Variants in AGBL4 observed in about 807,000 individuals in gnomAD.
AGBL4 encodes AGBL carboxypeptidase 4, also known as cytosolic carboxypeptidase 6.
AGBL4 carries 58 observed loss-of-function variants against 66.4 expected under a neutral mutation model. The ratio of observed to expected loss-of-function variants is 0.87; its 90% CI spans 0.71 to 1.09. The LOEUF (loss-of-function observed/expected upper bound fraction) is 1.09. Ranked by LOEUF, AGBL4 falls within the 50% of genes least tolerant of loss-of-function variation. The pLI is 0.00. For missense variants in AGBL4, 579 were observed against 631.0 expected, an observed-to-expected ratio of 0.92 and a Z score of 0.88; for synonymous variants, 234 against 222.9, an observed-to-expected ratio of 1.05 and a Z score of -0.44.
At chr1:49,350,189 T>G (rs567408146) in intron 3 of AGBL4, among the ~76,000 whole-genome samples, 25 of 145,204 alleles carry the variant, frequency 1.7e-4, no homozygotes, top group Middle Eastern at 3.5e-3. Flanking sequence ...GAATATTTGT[T>G]TTTTTTTTTG....
intron 11 of AGBL4, among the ~76,000 whole-genome samples, chr1:48,553,685 T>C (rs1644281574): frequency 6.6e-6 from 1 of 151,988 alleles, no homozygotes; most frequent in South Asian, 2.1e-4. Flanking sequence ...ATTCATAATT[T>C]TCTACAATTT....
rs544259201 is a variant in AGBL4 at position 49,720,121 on chromosome 1, CA to C, written c.158-22685del. Among the ~76,000 whole-genome samples, 17 of 152,144 alleles carry C rather than the reference CA, an allele frequency of 1.1e-4. No homozygotes were observed. In the South Asian group the frequency reaches 1.5e-3, roughly 13 times the overall value. Reference sequence around the variant, plus strand: ...AAACTGAAAGGAAAACTGATCCCAGCAATAAGTATCTCCAAATAACAGCATT... The same window carrying C: ...AAACTGAAAGGAAAACTGATCCCAGCATAAGTATCTCCAAATAACAGCATT... On this transcript the variant is annotated intron_variant, in intron 2 of 13. Transcript: ENST00000371839.
At chr1:49,983,406 C>T (rs1055412696) in intron 1 of AGBL4, among the ~76,000 whole-genome samples, 5 of 152,244 alleles carry the variant, frequency 3.3e-5, no homozygotes, top group African/African-American at 1.2e-4. Context: ...CCCACTGCAG[C>T]CAGCATGCCT....
At chr1:49,088,355 C>T (rs1299121562) in intron 4 of AGBL4, among the ~76,000 whole-genome samples, 2 of 152,090 alleles carry the variant, frequency 1.3e-5, no homozygotes, top group Non-Finnish European at 2.9e-5. Flanking sequence ...AAACCTATCT[C>T]ATATGCAATA....
intron 3 of AGBL4, among the ~76,000 whole-genome samples, chr1:49,405,244 G>T (rs1211530182): frequency 6.6e-6 from 1 of 152,048 alleles, no homozygotes; most frequent in Admixed American, 6.6e-5. Flanking sequence ...ATATTTAACT[G>T]CATTAGTACC....
chr1:49,675,809 C>A (rs562651674), intron 3 of AGBL4, among the ~76,000 whole-genome samples: 1 of 152,156 alleles, frequency 6.6e-6, no homozygotes, highest in African/African-American at 2.4e-5. Context: ...CAGGGGGGAT[C>A]CACTTTCCAG....
At chr1:48,843,611 C>T (rs2148799196) in intron 6 of AGBL4, among the ~76,000 whole-genome samples, 1 of 152,046 alleles carries the variant, frequency 6.6e-6, no homozygotes, top group Admixed American at 6.6e-5. Context: ...AATTTTATTG[C>T]AACATACACA....
chr1:49,852,856 C>T lies in AGBL4; in HGVS notation c.35-1338G>A, dbSNP rs367593021. On this transcript the variant is annotated intron_variant, in intron 1 of 13. Coordinates refer to ENST00000371839, the MANE Select transcript of AGBL4 (RefSeq NM_032785.4). ...TTAAATACTCAATCACCCCAGCCAG[C>T]CCCTTCCCTCAAAAATAAAATAGCA... 9.8e-4 allele frequency among the ~76,000 whole-genome samples: 148 copies of T among 151,770 alleles called. 2 individuals are homozygous for T. In the South Asian group the frequency reaches 0.03, roughly 30 times the overall value.
chr1:49,618,348 A>ACCAGAGGTAC (rs1328947815), intron 3 of AGBL4, among the ~76,000 whole-genome samples: 2 of 150,860 alleles, frequency 1.3e-5, no homozygotes, highest in Non-Finnish European at 3.0e-5. Context: ...AATGATGTAT[A>ACCAGAGGTAC]ATCCTTTGGG....
chr1:49,277,948 T>C (rs1056744329), intron 3 of AGBL4, among the ~76,000 whole-genome samples: 3 of 152,188 alleles, frequency 2.0e-5, no homozygotes, highest in African/African-American at 7.2e-5. Flanking sequence ...TTTTGTTCTG[T>C]TTTGTTCTAA....
chr1:48,845,457 C>G (rs1646888468), intron 6 of AGBL4, among the ~76,000 whole-genome samples: 2 of 152,204 alleles, frequency 1.3e-5, no homozygotes, highest in Admixed American at 1.3e-4. Flanking sequence ...TCTGAAGGAG[C>G]ACAGTATGCT....
At chr1:49,539,381 A>C (rs1232590569) in intron 3 of AGBL4, among the ~76,000 whole-genome samples, 1 of 152,222 alleles carries the variant, frequency 6.6e-6, no homozygotes, top group Non-Finnish European at 1.5e-5. Context: ...ATTTGATCAA[A>C]ATCTAGGAAA....
intron 3 of AGBL4, among the ~76,000 whole-genome samples, chr1:49,288,528 C>T (rs947069625): frequency 6.6e-6 from 1 of 152,056 alleles, no homozygotes; most frequent in Non-Finnish European, 1.5e-5. Flanking sequence ...AAAGTGAGAC[C>T]AAAATTCTGT....
chr1:48,645,738 A>G (rs1645824801), intron 8 of AGBL4, among the ~76,000 whole-genome samples: 1 of 152,218 alleles, frequency 6.6e-6, no homozygotes, highest in Non-Finnish European at 1.5e-5. Flanking sequence ...TGCCAGGTTC[A>G]GAAGGCTCAG....
rs530854124 is a variant in AGBL4 at position 49,946,072 on chromosome 1, G to T, written c.34+77691C>A. Reference sequence around the variant, plus strand: ...CAAATTTATAAAACAATTACTACTAGATCTAAGAAATGAGATAGACAGCAA... The same window carrying T: ...CAAATTTATAAAACAATTACTACTATATCTAAGAAATGAGATAGACAGCAA... On this transcript the variant is annotated intron_variant, in intron 1 of 13. Coordinates refer to ENST00000371839, the MANE Select transcript of AGBL4 (RefSeq NM_032785.4). Among the ~76,000 whole-genome samples, 9 of 151,838 alleles carry T rather than the reference G, an allele frequency of 5.9e-5. No individual in the cohort carries two copies. In the South Asian group the frequency reaches 1.9e-3, roughly 32 times the overall value.
chr1:49,719,094 A>G (rs1648392150), intron 2 of AGBL4, among the ~76,000 whole-genome samples: 1 of 152,146 alleles, frequency 6.6e-6, no homozygotes, highest in South Asian at 2.1e-4. Flanking sequence ...ATGTGATTCT[A>G]TAAAAGAAGG....
intron 1 of AGBL4, among the ~76,000 whole-genome samples, chr1:49,982,519 C>T (rs545464696): frequency 1.2e-4 from 18 of 152,306 alleles, no homozygotes; most frequent in African/African-American, 4.1e-4. Flanking sequence ...AGCCTGGGCA[C>T]CATGAACAGC....
At chr1:49,743,104 C>G (rs1229901184) in intron 2 of AGBL4, among the ~76,000 whole-genome samples, 3 of 152,040 alleles carry the variant, frequency 2.0e-5, no homozygotes, top group Non-Finnish European at 4.4e-5. Context: ...TACCTTCAGA[C>G]TGAACAGTCA....
intron 1 of AGBL4, among the ~76,000 whole-genome samples, chr1:49,986,073 T>C (rs114071502): frequency 5.0e-4 from 76 of 152,260 alleles, no homozygotes; most frequent in African/African-American, 1.6e-3. Flanking sequence ...ACTCTTTTTA[T>C]GTAGATGTAA....
Sources: allele counts gnomAD v4.1 joint callset (sites outside exome capture counted in the v4.1 genomes callset), GRCh38; gene constraint gnomAD v4.1.1; transcripts MANE v1.5; gene names NCBI Gene and HGNC (gene_info 2026-07-23, HGNC 2026-07-21).